EYA1: variants seen among roughly 807,000 people sequenced by gnomAD.
EYA1 encodes protein phosphatase EYA1.
In EYA1, 16 loss-of-function variants were observed where a neutral mutation model predicts 82.0. The ratio of observed to expected loss-of-function variants is 0.20; its 90% CI spans 0.13 to 0.30. The LOEUF (loss-of-function observed/expected upper bound fraction) is 0.30, where lower values mean the gene tolerates loss of function less well. Ranked by LOEUF, EYA1 falls within the 10% of genes least tolerant of loss-of-function variation. The pLI is 1.00. For synonymous variants in EYA1, 261 were observed against 264.4 expected (o/e 0.99, Z 0.12); for missense variants, 633 against 730.7 (o/e 0.87, Z 1.54).
At chr8:71,298,128 C>CT (rs1189299141) in intron 9 of EYA1, among the ~76,000 whole-genome samples, 1 of 152,014 alleles carries the variant, frequency 6.6e-6, no homozygotes, top group East Asian at 1.9e-4. Flanking sequence ...TTATACAGAA[C>CT]TTTTTTTCAT....
chr8:71,460,089 C>T (rs1808254766), intron 2 of EYA1, among the ~76,000 whole-genome samples: 1 of 152,024 alleles, frequency 6.6e-6, no homozygotes. Context: ...TTTTTTGCGC[C>T]CCCAGCATTT....
intron 2 of EYA1, among the ~76,000 whole-genome samples, chr8:71,392,836 CA>C (rs1365776473): frequency 6.6e-6 from 1 of 151,926 alleles, no homozygotes; most frequent in Non-Finnish European, 1.5e-5. Flanking sequence ...TAGTGAAATT[CA>C]AATCATTTTT....
chr8:71,461,177 C>T (rs544882023), intron 2 of EYA1, among the ~76,000 whole-genome samples: 10 of 152,238 alleles, frequency 6.6e-5, no homozygotes, highest in African/African-American at 1.9e-4. Context: ...GCCAGTGATT[C>T]CTTTGCCCAA....
chr8:71,219,074 C>T (rs1809565408), intron 12 of EYA1, among the ~76,000 whole-genome samples: 1 of 152,198 alleles, frequency 6.6e-6, no homozygotes, highest in Admixed American at 6.5e-5. Context: ...ATCCTCATTA[C>T]TAACAGAGAA....
chr8:71,369,153 A>G (rs1363878218), intron 2 of EYA1, among the ~76,000 whole-genome samples: 3 of 150,394 alleles, frequency 2.0e-5, no homozygotes, highest in Non-Finnish European at 4.4e-5. Context: ...CAGTGAGCCC[A>G]GATCACATCA....
intron 2 of EYA1, among the ~76,000 whole-genome samples, chr8:71,534,744 G>T (rs1441406567): frequency 6.6e-6 from 1 of 152,114 alleles, no homozygotes; most frequent in Non-Finnish European, 1.5e-5. Context: ...ATGCACCAGG[G>T]CCTGTTGCAG....
At chr8:71,258,670 G>A (rs1814734453) in intron 11 of EYA1, among the ~76,000 whole-genome samples, 1 of 152,202 alleles carries the variant, frequency 6.6e-6, no homozygotes, top group South Asian at 2.1e-4. Flanking sequence ...TAGTGACTAG[G>A]TTAAACTTTA....
chr8:71,473,030 ATGAGTC>A (rs1809352929), intron 2 of EYA1, among the ~76,000 whole-genome samples: 1 of 151,932 alleles, frequency 6.6e-6, no homozygotes, highest in Non-Finnish European at 1.5e-5. Flanking sequence ...TTAGATAAAA[ATGAGTC>A]CAAATAATGT....
chr8:71,419,878 C>T (rs1831052121), intron 2 of EYA1, among the ~76,000 whole-genome samples: 1 of 151,994 alleles, frequency 6.6e-6, no homozygotes, highest in Non-Finnish European at 1.5e-5. Flanking sequence ...AACTGGAAGT[C>T]TAGAACATTA....
intron 9 of EYA1, among the ~76,000 whole-genome samples, chr8:71,274,013 T>C (rs1816847132): frequency 6.6e-6 from 1 of 152,254 alleles, no homozygotes; most frequent in Non-Finnish European, 1.5e-5. Flanking sequence ...AAATATATTC[T>C]GTCTTTATTA....
chr8:71,526,556 AC>A (rs1813829991), intron 2 of EYA1, among the ~76,000 whole-genome samples: 1 of 152,140 alleles, frequency 6.6e-6, no homozygotes, highest in Admixed American at 6.5e-5. Flanking sequence ...TGAAGGCTTA[AC>A]TGGGGCTGCA....
chr8:71,437,428 C>T (rs1806097461), intron 2 of EYA1, among the ~76,000 whole-genome samples: 1 of 151,876 alleles, frequency 6.6e-6, no homozygotes, highest in African/African-American at 2.4e-5. Flanking sequence ...GCCTCTATGC[C>T]TCAGTTTTGT....
intron 12 of EYA1, among the ~76,000 whole-genome samples, chr8:71,232,121 T>C (rs1490724832): frequency 1.3e-5 from 2 of 152,212 alleles, no homozygotes; most frequent in Admixed American, 1.3e-4. Context: ...CCAAGTGGCT[T>C]TGGGCAACAA....
intron 2 of EYA1, among the ~76,000 whole-genome samples, chr8:71,439,568 C>A (rs1474398672): frequency 6.6e-6 from 1 of 152,230 alleles, no homozygotes; most frequent in Non-Finnish European, 1.5e-5. Flanking sequence ...TCAGTAAACA[C>A]TCATTGGGCT....
chr8:71,425,827 A>G (rs1308086700), intron 2 of EYA1, among the ~76,000 whole-genome samples: 1 of 152,202 alleles, frequency 6.6e-6, no homozygotes, highest in African/African-American at 2.4e-5. Context: ...ATTCCAGGGA[A>G]CCAATGGACA....
chr8:71,495,341 C>T (rs1000886764), intron 2 of EYA1, among the ~76,000 whole-genome samples: 3 of 152,132 alleles, frequency 2.0e-5, no homozygotes, highest in Admixed American at 1.3e-4. Context: ...GGGCTGGGCA[C>T]GATGGCTCAC....
At chr8:71,412,901 C>G (rs1830681955) in intron 2 of EYA1, among the ~76,000 whole-genome samples, 1 of 152,284 alleles carries the variant, frequency 6.6e-6, no homozygotes, top group African/African-American at 2.4e-5. Context: ...CCTCCACTGT[C>G]CTCATCACAA....
chr8:71,240,824 T>C (rs1289592425), intron 12 of EYA1, among the ~76,000 whole-genome samples: 1 of 152,220 alleles, frequency 6.6e-6, no homozygotes, highest in African/African-American at 2.4e-5. Flanking sequence ...TGAAATATTA[T>C]CGTATGCTGA....
At chr8:71,255,875 A>C (rs1048362723) in intron 11 of EYA1, among the ~76,000 whole-genome samples, 17 of 152,174 alleles carry the variant, frequency 1.1e-4, no homozygotes, top group Non-Finnish European at 2.1e-4. Context: ...ACTCAATAAA[A>C]AAAACCCTGA....
Sources: allele counts gnomAD v4.1 joint callset (sites outside exome capture counted in the v4.1 genomes callset), GRCh38; gene constraint gnomAD v4.1.1; transcripts MANE v1.5; gene names NCBI Gene and HGNC (gene_info 2026-07-23, HGNC 2026-07-21).